The following CNST variants were observed in gnomAD, a reference collection of about 807,000 sequenced individuals.
The protein encoded by CNST is consortin, connexin sorting protein, also known as consortin.
Under a neutral mutation model 72.4 loss-of-function variants are expected in CNST, and 39 were observed. The observed-to-expected ratio is 0.54, with a 90% CI of 0.42 to 0.70. The LOEUF (loss-of-function observed/expected upper bound fraction) is 0.70, where lower values mean the gene tolerates loss of function less well. CNST is among the 30% of genes least tolerant of loss of function. The pLI is 0.00. For synonymous variants in CNST, 332 were observed against 320.1 expected (o/e 1.04, Z -0.40); for missense variants, 871 against 868.5 (o/e 1.00, Z -0.04).
intron 6 of CNST, among the ~76,000 whole-genome samples, chr1:246,639,557 A>G (rs1665542077): frequency 6.6e-6 from 1 of 151,990 alleles, no homozygotes; most frequent in East Asian, 1.9e-4. Flanking sequence ...CGATACCCCC[A>G]CTCTGCCAAG....
In CNST at chr1:246,634,490, G is replaced by C. The variant is rs754977780; in HGVS notation, c.721G>C (p.Val241Leu). ...AAATTTAGAAACAAAATGGAAAACT[G>C]TGCAACCACATACAGTTACGGCTCT... ...QEQWETKWKT[V>L]QPHTVTALRN... Residue 241 changes from valine (V) to leucine (L), a missense_variant, in exon 6 of 11, where the codon GTG becomes CTG. By Grantham distance (32) the Val-to-Leu change is conservative (BLOSUM62 1). Transcript: ENST00000366513. 6.3e-7 allele frequency: 1 copy of C among 1,585,106 alleles called. No homozygotes were observed. The highest frequency in any genetic ancestry group is 1.2e-5 in the South Asian group (1 of 85,310).
rs1444142327 is a variant in CNST at position 246,665,073 on chromosome 1, CAAA to C, written c.1973-626_1973-624del. Among the ~76,000 whole-genome samples, 3 of 152,168 alleles carry C rather than the reference CAAA, an allele frequency of 2.0e-5. No homozygotes were observed. In the East Asian group the frequency reaches 5.8e-4, roughly 29 times the overall value. ...ACAGCCAGGCTGTACTGTAGACTGT[CAAA>C]TAATGCTGTCGGGGTGGGCATGCTG... On this transcript the variant is annotated intron_variant, in intron 10 of 10. Coordinates refer to ENST00000366513, the MANE Select transcript of CNST (RefSeq NM_152609.3).
intron 1 of CNST, among the ~76,000 whole-genome samples, chr1:246,589,427 C>T (rs534013353): frequency 6.6e-6 from 1 of 152,032 alleles, no homozygotes; most frequent in East Asian, 1.9e-4. Context: ...ATCCATGTCC[C>T]TACAAAGGAC....
At chr1:246,648,449 AT>A (rs1247996394) in intron 9 of CNST, among the ~76,000 whole-genome samples, 2 of 152,132 alleles carry the variant, frequency 1.3e-5, no homozygotes, top group Non-Finnish European at 2.9e-5. Flanking sequence ...TTGTTAATAT[AT>A]TTTTTAAGTC....
intron 2 of CNST, among the ~76,000 whole-genome samples, chr1:246,599,660 C>T (rs998582817): frequency 3.3e-5 from 5 of 152,192 alleles, no homozygotes; most frequent in African/African-American, 4.8e-5. Context: ...GTAATCCCAA[C>T]ACTTTGGGAG....
intron 9 of CNST, among the ~76,000 whole-genome samples, chr1:246,652,775 C>A (rs112582203): frequency 0.45 from 66,324 of 147,368 alleles, 15,635 homozygotes; most frequent in East Asian, 0.65. Context: ...GAGGCCAAGG[C>A]GGGCGGATCA....
chr1:246,634,172 T>C, intron 5 of CNST, 162 bp downstream of exon 5: 1 of 585,282 alleles, frequency 1.7e-6, no homozygotes, highest in South Asian at 2.4e-5. Flanking sequence ...AAGTCTATTA[T>C]ATTGTGAGAA....
chr1:246,634,102 C>T lies in CNST; in HGVS notation c.703+92C>T. On this transcript the variant is annotated intron_variant, in intron 5 of 10. Coordinates refer to ENST00000366513, the MANE Select transcript of CNST (RefSeq NM_152609.3). ...ACATATTTGACCTGGTTTTATAAATCAGAAAATAGATGTTTCCATAAACAA... is the reference window on the plus strand; with the variant it reads ...ACATATTTGACCTGGTTTTATAAATTAGAAAATAGATGTTTCCATAAACAA... 3.6e-6 allele frequency: 3 copies of T among 827,830 alleles called. No homozygotes were observed. The Admixed American group carries it at 6.4e-5, about 18-fold the overall frequency. The allele number at this position is 827,830 out of a possible 1,614,324, so 51.3% of individuals were successfully genotyped here.
chr1:246,576,087 T>C (rs1270382303), intron 1 of CNST, among the ~76,000 whole-genome samples: 1 of 148,386 alleles, frequency 6.7e-6, no homozygotes, highest in Non-Finnish European at 1.5e-5. Context: ...ATGCAAAAAT[T>C]AGCCAGGCAT....
intron 2 of CNST, among the ~76,000 whole-genome samples, chr1:246,610,326 T>C (rs956244484): frequency 1.3e-5 from 2 of 152,122 alleles, no homozygotes; most frequent in Admixed American, 6.6e-5. Flanking sequence ...TTTTTTATAT[T>C]TTCTGTCTTT....
intron 2 of CNST, among the ~76,000 whole-genome samples, chr1:246,602,535 CAAAG>C (rs781124511): frequency 3.6e-4 from 55 of 152,148 alleles, no homozygotes; most frequent in Non-Finnish European, 6.9e-4. Context: ...GGCTAGCAGT[CAAAG>C]AGAGAGAGCA....
chr1:246,567,561 G>A lies in CNST; in HGVS notation c.-52+898G>A, dbSNP rs140691840. On this transcript the variant is annotated intron_variant, in intron 1 of 10. Transcript: ENST00000366513. ...AATTGAGTTTGGCATTTAAATGCAC[G>A]AGGAAAAGGTTCCTAAGGAATGTAT... Among the ~76,000 whole-genome samples, 245 of 152,282 alleles carry A rather than the reference G, an allele frequency of 1.6e-3. 1 individual carries two copies. The highest frequency in any genetic ancestry group is 5.6e-3 in the African/African-American group (234 of 41,554).
intron 1 of CNST, among the ~76,000 whole-genome samples, chr1:246,587,557 A>C (rs1421247830): frequency 2.6e-5 from 4 of 152,208 alleles, no homozygotes; most frequent in African/African-American, 7.2e-5. Flanking sequence ...ATTGCAGTAC[A>C]TTTTTACAAC....
chr1:246,623,797 T>G (rs556638044), intron 3 of CNST, among the ~76,000 whole-genome samples: 2 of 147,458 alleles, frequency 1.4e-5, no homozygotes, highest in African/African-American at 5.0e-5. Flanking sequence ...GCGCGGTAGC[T>G]CATACCTGTA....
intron 1 of CNST, among the ~76,000 whole-genome samples, chr1:246,581,336 G>T (rs1660770766): frequency 6.6e-6 from 1 of 152,008 alleles, no homozygotes; most frequent in Non-Finnish European, 1.5e-5. Flanking sequence ...CGCAATCTTG[G>T]CTCACTGCAA....
intron 1 of CNST, among the ~76,000 whole-genome samples, chr1:246,585,656 A>ATAT (rs1238928636): frequency 3.5e-5 from 3 of 85,536 alleles, no homozygotes; most frequent in African/African-American, 1.8e-4. Flanking sequence ...AAAAAAAAAA[A>ATAT]AAAAAAATAT....
At chr1:246,566,763 T>C (rs895183323) in intron 1 of CNST, 100 bp downstream of exon 1, 66 of 398,626 alleles carry the variant, frequency 1.7e-4, no homozygotes, top group African/African-American at 1.3e-3. Flanking sequence ...GCTGTCCTCC[T>C]CCAGCCGCGC....
At chr1:246,639,176 T>C (rs12240208) in intron 6 of CNST, among the ~76,000 whole-genome samples, 42,187 of 151,732 alleles carry the variant, frequency 0.28, 6,635 homozygotes, top group East Asian at 0.67. Flanking sequence ...GTAGTGCAAC[T>C]CCACGCCGTT....
intron 1 of CNST, among the ~76,000 whole-genome samples, chr1:246,586,419 A>G (rs1447194365): frequency 6.7e-6 from 1 of 148,182 alleles, no homozygotes; most frequent in East Asian, 1.9e-4. Context: ...TCTTTTATAT[A>G]TATCTATATA....
Sources: allele counts gnomAD v4.1 joint callset (sites outside exome capture counted in the v4.1 genomes callset), GRCh38; gene constraint gnomAD v4.1.1; transcripts MANE v1.5; gene names NCBI Gene and HGNC (gene_info 2026-07-23, HGNC 2026-07-21).